Variants in MBOAT2 observed in about 807,000 individuals in gnomAD.
MBOAT2 encodes the protein membrane-bound glycerophospholipid O-acyltransferase 2.
Under a neutral mutation model 63.4 loss-of-function variants are expected in MBOAT2, and 28 were observed. That is an observed-to-expected ratio of 0.44 (90% CI 0.33 to 0.61). MBOAT2 has a LOEUF of 0.61. Ranked by LOEUF, MBOAT2 falls within the 20% of genes least tolerant of loss-of-function variation. The pLI, the probability that MBOAT2 is intolerant of heterozygous loss-of-function variation, is 0.03. For missense variants in MBOAT2, 470 were observed against 605.8 expected, an observed-to-expected ratio of 0.78 and a Z score of 2.35; for synonymous variants, 211 against 215.6, an observed-to-expected ratio of 0.98 and a Z score of 0.19.
intron 3 of MBOAT2, among the ~76,000 whole-genome samples, chr2:8,941,479 G>A (rs1383712252): frequency 6.6e-6 from 1 of 152,066 alleles, no homozygotes; most frequent in African/African-American, 2.4e-5. Flanking sequence ...GTAGCCACTA[G>A]CCACATGTGG....
At position 8,909,637 on chromosome 2, in the gene MBOAT2, T is replaced by C. The variant is rs570785999; in HGVS notation, c.300-921A>G. On this transcript the variant is annotated intron_variant, in intron 3 of 12. Coordinates refer to ENST00000305997, the MANE Select transcript of MBOAT2 (RefSeq NM_138799.4). Reference sequence around the variant, plus strand: ...TGTCATGTAGGCAGTTCAGGTGGTTTTATGAAAGTTCTTTCAAACTTTTGA... The same window carrying C: ...TGTCATGTAGGCAGTTCAGGTGGTTCTATGAAAGTTCTTTCAAACTTTTGA... Among the ~76,000 whole-genome samples the C allele has an allele frequency of 3.3e-5, 5 of 152,348 alleles. No homozygotes were observed. In the South Asian group the frequency reaches 1.0e-3, roughly 32 times the overall value.
At chr2:8,913,058 T>A (rs939617282) in intron 3 of MBOAT2, among the ~76,000 whole-genome samples, 1 of 152,102 alleles carries the variant, frequency 6.6e-6, no homozygotes, top group Admixed American at 6.5e-5. Flanking sequence ...AGCCAACTGA[T>A]CTTCAACAAA....
At chr2:8,873,663 G>GAT (rs1662506111) in intron 7 of MBOAT2, among the ~76,000 whole-genome samples, 1 of 152,090 alleles carries the variant, frequency 6.6e-6, no homozygotes, top group South Asian at 2.1e-4. Flanking sequence ...ATTTTATATG[G>GAT]ATATATATAT....
At chr2:8,960,413 C>A (rs975274986) in intron 1 of MBOAT2, among the ~76,000 whole-genome samples, 10 of 152,178 alleles carry the variant, frequency 6.6e-5, no homozygotes, top group African/African-American at 2.4e-4. Flanking sequence ...TAAACATATA[C>A]AGAAGGAACG....
At chr2:8,881,502 C>A (rs572706769) in intron 6 of MBOAT2, among the ~76,000 whole-genome samples, 11 of 152,124 alleles carry the variant, frequency 7.2e-5, no homozygotes, top group African/African-American at 2.7e-4. Flanking sequence ...AGCATTCTTC[C>A]CCTGTTCAGG....
rs1275090505 is a variant in MBOAT2, at chr2:8,853,050, T to C, written c.*5629A>G. ...ATTCTGGCTGCTGGAGTTGGGTCTC[T>C]CCTCATGTTTGGGCGACTGAGGGCT... On this transcript the variant is annotated 3_prime_UTR_variant, in exon 13 of 13. Transcript: ENST00000305997. The C allele has an allele frequency of 2.6e-5, 4 of 152,238 alleles. No individual in the cohort carries two copies. The highest frequency in any genetic ancestry group is 2.6e-4 in the Admixed American group (4 of 15,282). 9.4% of individuals were successfully genotyped at this position (152,238 alleles called of 1,614,324 possible). A position where few individuals can be genotyped will look rare whatever the true frequency, so the allele number is the denominator to read the frequency against.
intron 3 of MBOAT2, among the ~76,000 whole-genome samples, chr2:8,912,373 G>GAGAA (rs139345161): frequency 0.17 from 14,653 of 84,976 alleles, 1,851 homozygotes; most frequent in South Asian, 0.27. Context: ...AAGAAAGAAA[G>GAGAA]AGAAAGAAAG....
intron 2 of MBOAT2, among the ~76,000 whole-genome samples, chr2:8,953,008 A>G (rs1046376619): frequency 6.6e-6 from 1 of 152,132 alleles, no homozygotes; most frequent in African/African-American, 2.4e-5. Context: ...TCATTCTATC[A>G]TGACATTGTT....
chr2:8,882,091 T>C (rs1663178448), intron 6 of MBOAT2, among the ~76,000 whole-genome samples: 1 of 152,218 alleles, frequency 6.6e-6, no homozygotes, highest in African/African-American at 2.4e-5. Context: ...AAATATGGCA[T>C]CGATGTGCTA....
At chr2:8,961,141 C>T (rs553381497) in intron 1 of MBOAT2, among the ~76,000 whole-genome samples, 16 of 152,164 alleles carry the variant, frequency 1.1e-4, no homozygotes, top group African/African-American at 3.6e-4. Context: ...AAACTATGAA[C>T]CACTCAATAG....
chr2:8,898,508 T>C (rs762524684), intron 4 of MBOAT2, among the ~76,000 whole-genome samples: 1 of 152,230 alleles, frequency 6.6e-6, no homozygotes, highest in Non-Finnish European at 1.5e-5. Flanking sequence ...GCCTTCGACC[T>C]AGACACCTAG....
intron 1 of MBOAT2, among the ~76,000 whole-genome samples, chr2:8,972,072 C>G (rs535277523): frequency 7.9e-5 from 12 of 152,090 alleles, no homozygotes; most frequent in Non-Finnish European, 1.8e-4. Context: ...CAATCCTAAG[C>G]CAAAAGAATA....
intron 4 of MBOAT2, 169 bp downstream of exon 4, chr2:8,908,452 C>G: frequency 1.8e-6 from 1 of 552,792 alleles, no homozygotes; most frequent in Non-Finnish European, 3.2e-6. Context: ...TTAGATAGTA[C>G]TAAAAAGACT....
rs1350275857 is a variant in MBOAT2, at chr2:8,857,961, A to C, written c.*718T>G. 6.6e-6 allele frequency: 1 copy of C among 152,326 alleles called. No individual in the cohort carries two copies. The highest frequency in any genetic ancestry group is 2.4e-5 in the African/African-American group (1 of 41,286). 9.4% of individuals were successfully genotyped at this position (152,326 alleles called of 1,614,324 possible). ...TAAGCTTAAAATATCACATTACCAA[A>C]CCTCTCATTATGTTTTAAGAGATTC... On this transcript the variant is annotated 3_prime_UTR_variant, in exon 13 of 13. Coordinates refer to ENST00000305997, the MANE Select transcript of MBOAT2 (RefSeq NM_138799.4).
At chr2:8,969,892 C>G (rs1166180608) in intron 1 of MBOAT2, among the ~76,000 whole-genome samples, 1 of 152,108 alleles carries the variant, frequency 6.6e-6, no homozygotes, top group Non-Finnish European at 1.5e-5. Flanking sequence ...GACCTACAAA[C>G]AGACTTAGAC....
chr2:8,853,280 TG>T lies in MBOAT2; in HGVS notation c.*5398del, dbSNP rs1660879890. On this transcript the variant is annotated 3_prime_UTR_variant, in exon 13 of 13. Coordinates refer to ENST00000305997, the MANE Select transcript of MBOAT2 (RefSeq NM_138799.4). ...GGACAAGACTGGTTTGGAACACATT[TG>T]TGTTCAATGTTTGATTCCTTTTTCC... is the stretch of plus-strand genomic sequence containing the variant. 6.6e-6 allele frequency: 1 copy of T among 152,250 alleles called. No individual in the cohort carries two copies. Among genetic ancestry groups the T allele is most frequent in the African/African-American group, 2.4e-5 (1 of 41,464 alleles). 9.4% of individuals were successfully genotyped at this position (152,250 alleles called of 1,614,324 possible). A position where few individuals can be genotyped will look rare whatever the true frequency, so the allele number is the denominator to read the frequency against.
At chr2:8,962,566 C>A (rs76154075) in intron 1 of MBOAT2, among the ~76,000 whole-genome samples, 7,628 of 152,156 alleles carry the variant, frequency 0.05, 358 homozygotes, top group African/African-American at 0.12. Context: ...TGCAAATTAC[C>A]CTGCCAGTCC....
chr2:8,971,732 CAGAG>C (rs928916008), intron 1 of MBOAT2, among the ~76,000 whole-genome samples: 38 of 152,238 alleles, frequency 2.5e-4, no homozygotes, highest in African/African-American at 8.4e-4. Context: ...AACAGACAAA[CAGAG>C]AGCCAAATCA....
chr2:8,920,963 T>C (rs183049677), intron 3 of MBOAT2, among the ~76,000 whole-genome samples: 207 of 152,336 alleles, frequency 1.4e-3, no homozygotes, highest in Non-Finnish European at 2.0e-3. Flanking sequence ...TTACATCTTT[T>C]CCACTCTTTT....
Sources: gnomAD v4.1 joint callset for allele counts (sites outside exome capture counted in the v4.1 genomes callset) on GRCh38, gnomAD v4.1.1 for gene constraint, MANE v1.5 for transcripts, NCBI Gene and HGNC (gene_info 2026-07-23, HGNC 2026-07-21) for gene names.